Variants in EML5 observed in about 807,000 individuals in gnomAD.
EML5 encodes the protein EMAP like 5.
EML5 carries 120 observed loss-of-function variants against 250.0 expected under a neutral mutation model. That is an observed-to-expected ratio of 0.48 (90% CI 0.41 to 0.56). The LOEUF is 0.56. EML5 is among the 20% of genes least tolerant of loss of function. The pLI is 0.00. For missense variants in EML5, 2,006 were observed against 2,437.6 expected, an observed-to-expected ratio of 0.82 and a Z score of 3.73; for synonymous variants, 771 against 806.5, an observed-to-expected ratio of 0.96 and a Z score of 0.75.
At chr14:88,727,431 C>T (rs1043761951) in intron 7 of EML5, among the ~76,000 whole-genome samples, 11 of 126,974 alleles carry the variant, frequency 8.7e-5, no homozygotes, top group African/African-American at 2.6e-4. Flanking sequence ...GACGGAGTTT[C>T]GTTCCTGTTG....
intron 37 of EML5, chr14:88,621,676 A>G (rs953160754): frequency 4.7e-5 from 13 of 279,024 alleles, no homozygotes; most frequent in African/African-American, 2.9e-4. Flanking sequence ...AAGCTTAACT[A>G]CAATTTAATA....
intron 8 of EML5, among the ~76,000 whole-genome samples, chr14:88,719,939 C>T (rs969713238): frequency 3.3e-5 from 5 of 151,830 alleles, no homozygotes; most frequent in Non-Finnish European, 7.4e-5. Context: ...GACATAACAA[C>T]AAATGATAAA....
At chr14:88,747,612 A>G (rs2094025565) in intron 2 of EML5, among the ~76,000 whole-genome samples, 1 of 152,174 alleles carries the variant, frequency 6.6e-6, no homozygotes, top group African/African-American at 2.4e-5. Flanking sequence ...TGCGAAATAA[A>G]ATTAAGGATT....
intron 26 of EML5, among the ~76,000 whole-genome samples, chr14:88,657,836 G>A (rs1409256574): frequency 6.6e-6 from 1 of 152,008 alleles, no homozygotes; most frequent in Non-Finnish European, 1.5e-5. Context: ...TGGAGGCTGT[G>A]TTTAATTTTT....
At chr14:88,658,065 A>G in intron 26 of EML5, 122 bp downstream of exon 26, 1 of 956,404 alleles carries the variant, frequency 1.0e-6, no homozygotes, top group Non-Finnish European at 1.5e-6. Context: ...TGTTAAACAG[A>G]CTAAAAACAG....
Position 88,685,243 on chromosome 14 carries a change from A to G in EML5, c.2855-101T>C, listed in dbSNP as rs2092805983. The G allele has an allele frequency of 4.0e-6, 4 of 1,004,082 alleles. No homozygotes were observed. The East Asian group carries it at 8.1e-5, about 20-fold the overall frequency. 62.2% of individuals were successfully genotyped at this position (1,004,082 alleles called of 1,614,324 possible). ...CTATTTTGACAGTGAAAATCACATT[A>G]CAAGGTTTTCTCCTGTATTTTAAGT... On this transcript the variant is annotated intron_variant, in intron 19 of 43. Coordinates refer to ENST00000554922, the MANE Select transcript of EML5 (RefSeq NM_183387.3).
intron 21 of EML5, among the ~76,000 whole-genome samples, chr14:88,670,319 CAA>C (rs34008480): frequency 6.2e-5 from 5 of 81,238 alleles, no homozygotes; most frequent in Non-Finnish European, 1.3e-4. Context: ...GACTCCATCT[CAA>C]AAAAAAAAAA....
chr14:88,763,600 C>G (rs192516848), intron 1 of EML5, among the ~76,000 whole-genome samples: 1 of 152,308 alleles, frequency 6.6e-6, no homozygotes, highest in African/African-American at 2.4e-5. Context: ...GGTACCATTC[C>G]TTCCAGAACA....
chr14:88,784,653 A>G (rs2094532369), intron 1 of EML5, among the ~76,000 whole-genome samples: 1 of 152,178 alleles, frequency 6.6e-6, no homozygotes, highest in African/African-American at 2.4e-5. Context: ...AAAAATTCCA[A>G]ATCAAAACTA....
At chr14:88,727,590 G>T (rs2093686859) in intron 7 of EML5, among the ~76,000 whole-genome samples, 1 of 151,964 alleles carries the variant, frequency 6.6e-6, no homozygotes, top group African/African-American at 2.4e-5. Flanking sequence ...TAGAGATGGG[G>T]TTTCTCCATG....
chr14:88,674,527 GC>G (rs772469619), intron 21 of EML5, among the ~76,000 whole-genome samples: 1 of 151,952 alleles, frequency 6.6e-6, no homozygotes, highest in Non-Finnish European at 1.5e-5. Context: ...GGAAAGACCC[GC>G]CCCCATGATT....
rs543499544 is a variant in EML5, at chr14:88,783,357, G to A, written c.197+8950C>T. 2.6e-5 allele frequency among the ~76,000 whole-genome samples: 4 copies of A among 152,296 alleles called. No homozygotes were observed. In the South Asian group the frequency reaches 8.3e-4, roughly 32 times the overall value. Reference sequence around the variant, plus strand: ...TCTCCAATCAAAAGAAATAGAGTAGGTGAATGGATGAACAGATCAATGGAA... The same window carrying A: ...TCTCCAATCAAAAGAAATAGAGTAGATGAATGGATGAACAGATCAATGGAA... On this transcript the variant is annotated intron_variant, in intron 1 of 43. Coordinates refer to ENST00000554922, the MANE Select transcript of EML5 (RefSeq NM_183387.3).
At chr14:88,667,837 A>T (rs1039396391) in intron 21 of EML5, among the ~76,000 whole-genome samples, 12 of 152,150 alleles carry the variant, frequency 7.9e-5, no homozygotes, top group African/African-American at 2.9e-4. Context: ...CAATTTGCGG[A>T]CTTCAGGAAG....
intron 2 of EML5, among the ~76,000 whole-genome samples, chr14:88,753,964 T>A (rs1163141870): frequency 6.6e-6 from 1 of 151,282 alleles, no homozygotes; most frequent in Non-Finnish European, 1.5e-5. Context: ...CACAGTGAGA[T>A]CCCATCTCTA....
At chr14:88,730,617 G>A (rs945781103) in intron 7 of EML5, among the ~76,000 whole-genome samples, 1 of 152,132 alleles carries the variant, frequency 6.6e-6, no homozygotes, top group South Asian at 2.1e-4. Flanking sequence ...GATTCTTCAT[G>A]GGTTAACAGA....
At chr14:88,695,528 A>T in intron 15 of EML5, 74 bp from the exon 16 acceptor site, 8 of 1,308,714 alleles carry the variant, frequency 6.1e-6, no homozygotes, top group Non-Finnish European at 7.5e-6. Flanking sequence ...TATATATTCT[A>T]AACCCACATC....
intron 8 of EML5, among the ~76,000 whole-genome samples, chr14:88,724,165 C>T (rs922699324): frequency 6.6e-6 from 1 of 151,008 alleles, no homozygotes; most frequent in Non-Finnish European, 1.5e-5. Context: ...GTCCCAGCTA[C>T]TCAGGAGGCT....
intron 36 of EML5, chr14:88,624,647 G>A (rs2089636939): frequency 4.4e-6 from 1 of 225,626 alleles, no homozygotes; most frequent in Non-Finnish European, 8.6e-6. Context: ...TACAACCCTG[G>A]CTCCAGATTC....
rs556585490 is a variant in EML5, at chr14:88,686,140, G to GA, written c.2855-999dup. Among the ~76,000 whole-genome samples, 164 of 152,070 alleles carry GA rather than the reference G, an allele frequency of 1.1e-3. 1 individual carries two copies. The highest frequency in any genetic ancestry group is 0.01 in the Middle Eastern group (3 of 294). On this transcript the variant is annotated intron_variant, in intron 19 of 43. Transcript: ENST00000554922. Reference sequence around the variant, plus strand: ...GATGAGGGTGGGGGAAATCATCCTAGAAAAAATCAGGTTTGATATTTGAAA... The same window carrying GA: ...GATGAGGGTGGGGGAAATCATCCTAGAAAAAAATCAGGTTTGATATTTGAAA...
Sources: allele counts gnomAD v4.1 joint callset (sites outside exome capture counted in the v4.1 genomes callset), GRCh38; gene constraint gnomAD v4.1.1; transcripts MANE v1.5; gene names NCBI Gene and HGNC (gene_info 2026-07-23, HGNC 2026-07-21).